Variants in FARS2 observed in about 807,000 individuals in gnomAD.
FARS2 encodes phenylalanyl-tRNA synthetase 2, mitochondrial, also known as phenylalanine--tRNA ligase, mitochondrial.
In FARS2, 40 loss-of-function variants were observed where a neutral mutation model predicts 46.4. The observed-to-expected ratio is 0.86, with a 90% confidence interval of 0.67 to 1.12. The LOEUF is 1.12. Among genes scored for constraint, FARS2 ranks in the 50% most tolerant of loss-of-function variants. The pLI, the probability that FARS2 is intolerant of heterozygous loss-of-function variation, is 0.00. For missense variants in FARS2, 513 were observed against 567.9 expected (o/e 0.90, Z 0.98); for synonymous variants, 234 against 214.9 (o/e 1.09, Z -0.78).
rs539923123 is a variant in FARS2, at chr6:5,338,153, T to C, written c.-21-30397T>C. On this transcript the variant is annotated intron_variant, in intron 1 of 6. Coordinates refer to ENST00000274680, the MANE Select transcript of FARS2 (RefSeq NM_006567.5). ...ATTCAAAAGTAAAACCCAACTTTTA[T>C]GGATGTTGTTTTAATAGACCTATAG... Among the ~76,000 whole-genome samples the C allele has an allele frequency of 1.1e-4, 16 of 152,336 alleles. No individual in the cohort carries two copies. In the South Asian group the frequency reaches 3.1e-3, roughly 30 times the overall value.
chr6:5,590,194 A>G (rs1326656200), intron 5 of FARS2, among the ~76,000 whole-genome samples: 1 of 152,226 alleles, frequency 6.6e-6, no homozygotes. Flanking sequence ...GGCAAATGTG[A>G]TAGTGAAGAA....
chr6:5,471,369 CA>C lies in FARS2; in HGVS notation c.904+40202del, dbSNP rs1300820963. On this transcript the variant is annotated intron_variant, in intron 4 of 6. Coordinates refer to ENST00000274680, the MANE Select transcript of FARS2 (RefSeq NM_006567.5). This position sits in a 1 kb window ranked among gnomAD's most constrained non-coding sequence, Gnocchi z 4.1. ...TCCATAGCAAGAGTCAGAATTTCAG[CA>C]AAAACCCAGGAATCCTTCTCTTACC... 6.6e-6 allele frequency among the ~76,000 whole-genome samples: 1 copy of C among 152,128 alleles called. No homozygotes were observed. The highest frequency in any genetic ancestry group is 2.4e-5 in the African/African-American group (1 of 41,422).
At chr6:5,385,428 T>TTTTTTTCTTTTC in intron 2 of FARS2, among the ~76,000 whole-genome samples, 1 of 37,576 alleles carries the variant, frequency 2.7e-5, no homozygotes, top group East Asian at 7.7e-4. Flanking sequence ...TTTTCTTTTC[T>TTTTTTTCTTTTC]TTTTTTTTTT....
At chr6:5,418,818 TC>T (rs371066502) in intron 3 of FARS2, among the ~76,000 whole-genome samples, 165 of 152,320 alleles carry the variant, frequency 1.1e-3, no homozygotes, top group Middle Eastern at 6.8e-3. Context: ...GGGGTCTGTG[TC>T]CTTGGTCACC....
chr6:5,327,724 C>T (rs767950255), intron 1 of FARS2, among the ~76,000 whole-genome samples: 7 of 152,154 alleles, frequency 4.6e-5, no homozygotes, highest in African/African-American at 1.4e-4. Context: ...AATACATTGC[C>T]GTTAGGGTTT....
Position 5,353,726 on chromosome 6 carries a change from G to GTTTTTTTTTTTTTTTTTTT in FARS2, c.-21-14820_-21-14802dup, listed in dbSNP as rs55998904. 1.3e-3 allele frequency among the ~76,000 whole-genome samples: 54 copies of GTTTTTTTTTTTTTTTTTTT among 40,386 alleles called. 2 individuals are homozygous for GTTTTTTTTTTTTTTTTTTT. Among genetic ancestry groups the GTTTTTTTTTTTTTTTTTTT allele is most frequent in the Non-Finnish European group, 1.5e-3 (36 of 23,410 alleles). 26.5% of individuals were successfully genotyped at this position (40,386 alleles called of 152,430 possible). On this transcript the variant is annotated intron_variant, in intron 1 of 6. Transcript: ENST00000274680. ...CTGTTTTTAAATTGTAATATTTGGTGTTTTTTTTTTTTTTTTTTTTTTGCT... is the reference window on the plus strand; with the variant it reads ...CTGTTTTTAAATTGTAATATTTGGTGTTTTTTTTTTTTTTTTTTTTTTTTTTTTTTTTTTTTTTTTTGCT...
chr6:5,345,012 G>T (rs751728632), intron 1 of FARS2, among the ~76,000 whole-genome samples: 1 of 151,642 alleles, frequency 6.6e-6, no homozygotes, highest in Non-Finnish European at 1.5e-5. Context: ...GGGTGGTCTC[G>T]AACTCCTGAC....
At chr6:5,258,050 G>A (rs911797717), upstream of FARS2, among the ~76,000 whole-genome samples, 1 of 152,150 alleles carries the variant, frequency 6.6e-6, no homozygotes, top group Non-Finnish European at 1.5e-5. Context: ...CTAGACAGGA[G>A]TGATAAAGGG....
intron 1 of FARS2, among the ~76,000 whole-genome samples, chr6:5,292,383 G>A (rs68007503): frequency 0.26 from 40,167 of 152,112 alleles, 6,831 homozygotes; most frequent in African/African-American, 0.48. Context: ...CGTTTGTGTT[G>A]TACTTCTGGT....
intron 5 of FARS2, among the ~76,000 whole-genome samples, chr6:5,555,582 G>T (rs761340417): frequency 6.6e-6 from 1 of 152,078 alleles, no homozygotes; most frequent in Non-Finnish European, 1.5e-5. Context: ...GTCTAATAGA[G>T]ACTTAATGTG....
chr6:5,389,312 C>G (rs1394753128), intron 2 of FARS2, among the ~76,000 whole-genome samples: 2 of 152,094 alleles, frequency 1.3e-5, no homozygotes, highest in Non-Finnish European at 2.9e-5. Context: ...GTTCCTCCTC[C>G]CCTCCCTTGC....
At chr6:5,306,975 T>A (rs549865031) in intron 1 of FARS2, among the ~76,000 whole-genome samples, 1 of 152,062 alleles carries the variant, frequency 6.6e-6, no homozygotes, top group Non-Finnish European at 1.5e-5. Context: ...AGAAAACTTA[T>A]CTAAGACCCC....
intron 4 of FARS2, among the ~76,000 whole-genome samples, chr6:5,449,753 A>T (rs1194843135): frequency 6.6e-6 from 1 of 152,228 alleles, no homozygotes; most frequent in Admixed American, 6.5e-5. Flanking sequence ...GTAATCCGAA[A>T]ACTCGAAATC....
At chr6:5,413,378 G>A (rs1554182268) in intron 3 of FARS2, among the ~76,000 whole-genome samples, 1 of 152,148 alleles carries the variant, frequency 6.6e-6, no homozygotes, top group Non-Finnish European at 1.5e-5. Context: ...TAGGGCTGCT[G>A]TAATGAAAAC....
chr6:5,354,748 C>T (rs1757806848), intron 1 of FARS2, among the ~76,000 whole-genome samples: 2 of 152,106 alleles, frequency 1.3e-5, no homozygotes, highest in South Asian at 2.1e-4. Flanking sequence ...CTCCTGACCT[C>T]GTGATCCACC....
At chr6:5,434,948 G>T (rs972069442) in intron 4 of FARS2, among the ~76,000 whole-genome samples, 1 of 152,202 alleles carries the variant, frequency 6.6e-6, no homozygotes, top group Non-Finnish European at 1.5e-5. Flanking sequence ...GCAGACATCA[G>T]TTGAGCCCTT....
chr6:5,550,758 T>G (rs2326642), intron 5 of FARS2, among the ~76,000 whole-genome samples: 110,885 of 152,066 alleles, frequency 0.73, 40,677 homozygotes, highest in Middle Eastern at 0.87. Flanking sequence ...GCTCTCCCAT[T>G]TATATCATAG....
intron 4 of FARS2, among the ~76,000 whole-genome samples, chr6:5,538,804 A>G (rs1770382506): frequency 6.6e-6 from 1 of 152,196 alleles, no homozygotes; most frequent in Admixed American, 6.5e-5. Flanking sequence ...ATTTGATGCA[A>G]CTCAGCAAAT....
intron 5 of FARS2, among the ~76,000 whole-genome samples, chr6:5,546,794 C>T (rs1408124193): frequency 2.6e-5 from 4 of 151,418 alleles, no homozygotes; most frequent in Admixed American, 1.3e-4. Context: ...TTAATCATTC[C>T]CCAGATAACT....
Sources: allele counts gnomAD v4.1 joint callset (sites outside exome capture counted in the v4.1 genomes callset), GRCh38; gene constraint gnomAD v4.1.1; non-coding constraint Gnocchi (gnomAD v3.1); transcripts MANE v1.5; gene names NCBI Gene and HGNC (gene_info 2026-07-23, HGNC 2026-07-21).